The following MPP4 variants were observed in gnomAD, a reference collection of about 807,000 sequenced individuals.
MPP4 encodes the protein MAGUK p55 scaffold protein 4.
MPP4 carries 91 observed loss-of-function variants against 98.3 expected under a neutral mutation model. The ratio of observed to expected loss-of-function variants is 0.93; its 90% CI spans 0.78 to 1.10. MPP4 has a LOEUF of 1.10. Among genes scored for constraint, MPP4 ranks in the 50% least tolerant of loss-of-function variants. The pLI, the probability that MPP4 is intolerant of heterozygous loss-of-function variation, is 0.00. For synonymous variants in MPP4, 261 were observed against 271.8 expected (o/e 0.96, Z 0.39); for missense variants, 744 against 792.9 (o/e 0.94, Z 0.74).
intron 6 of MPP4, among the ~76,000 whole-genome samples, chr2:201,685,690 T>A (rs1469996265): frequency 6.6e-6 from 1 of 152,258 alleles, no homozygotes; most frequent in East Asian, 1.9e-4. Flanking sequence ...AAATCTCATC[T>A]TACTTTTCAC....
chr2:201,668,032 G>A lies in MPP4; in HGVS notation c.1013-1660C>T, dbSNP rs971148054. 5.5e-4 allele frequency among the ~76,000 whole-genome samples: 84 copies of A among 152,206 alleles called. 1 individual carries two copies. The highest frequency in any genetic ancestry group is 3.4e-3 in the Middle Eastern group (1 of 294). On this transcript the variant is annotated intron_variant, in intron 12 of 21. Transcript: ENST00000409474. ...TTGTTATTAGCCATCCATAACAACA[G>A]TGAGTTCATTAGTTCCCAGTACATA... is the stretch of plus-strand genomic sequence containing the variant.
intron 15 of MPP4, among the ~76,000 whole-genome samples, chr2:201,659,693 G>T (rs1205226761): frequency 1.3e-5 from 2 of 152,144 alleles, no homozygotes; most frequent in Non-Finnish European, 2.9e-5. Flanking sequence ...AATTAGCCAG[G>T]TGTGGTGGCT....
intron 18 of MPP4, chr2:201,652,052 T>C (rs10169154): frequency 0.5 from 479,904 of 962,080 alleles, 120,333 homozygotes; most frequent in East Asian, 0.67. Context: ...TTCCTGTACA[T>C]GAAAGCAGTA....
intron 16 of MPP4, 27 bp downstream of exon 16, chr2:201,658,450 C>T (rs191278919): frequency 6.3e-7 from 1 of 1,599,752 alleles, no homozygotes; most frequent in South Asian, 1.1e-5. Flanking sequence ...GTGACAGAGA[C>T]CCACCTCTTG....
chr2:201,691,954 G>A (rs1028803868), intron 3 of MPP4, among the ~76,000 whole-genome samples: 7 of 152,192 alleles, frequency 4.6e-5, no homozygotes, highest in Admixed American at 6.5e-5. Context: ...AAGGACAAAC[G>A]GTTGTAGCCA....
At chr2:201,678,117 G>A (rs1346754302) in intron 10 of MPP4, among the ~76,000 whole-genome samples, 3 of 152,056 alleles carry the variant, frequency 2.0e-5, no homozygotes, top group Admixed American at 6.5e-5. Flanking sequence ...TTTTCACGTG[G>A]CAATGACTAA....
At chr2:201,669,623 AG>A (rs1168421281) in intron 12 of MPP4, 109 bp downstream of exon 12, 13 of 516,440 alleles carry the variant, frequency 2.5e-5, no homozygotes, top group Non-Finnish European at 3.5e-5. Flanking sequence ...CTAGGTATAT[AG>A]GAAGAGCTTA....
chr2:201,696,078 C>T (rs940829244), intron 1 of MPP4, among the ~76,000 whole-genome samples: 1 of 152,148 alleles, frequency 6.6e-6, no homozygotes, highest in African/African-American at 2.4e-5. Flanking sequence ...ACTCTAAATT[C>T]TAAGGCAGTG....
At chr2:201,656,888 C>A (rs968733892) in intron 16 of MPP4, among the ~76,000 whole-genome samples, 1 of 152,118 alleles carries the variant, frequency 6.6e-6, no homozygotes, top group South Asian at 2.1e-4. Context: ...ACGAACTGTG[C>A]TTGGAGCATT....
chr2:201,671,240 G>C (rs1364209524), intron 11 of MPP4, among the ~76,000 whole-genome samples: 1 of 152,140 alleles, frequency 6.6e-6, no homozygotes, highest in Non-Finnish European at 1.5e-5. Context: ...CCTGGAAAAG[G>C]GGCTGAAGCC....
intron 7 of MPP4, among the ~76,000 whole-genome samples, chr2:201,684,716 T>C (rs1451896598): frequency 6.6e-6 from 1 of 152,096 alleles, no homozygotes; most frequent in Non-Finnish European, 1.5e-5. Context: ...TTTGGGAGGC[T>C]GAGGTGGGCG....
intron 1 of MPP4, among the ~76,000 whole-genome samples, chr2:201,694,607 C>CCT (rs1689127359): frequency 2.0e-5 from 2 of 98,352 alleles, no homozygotes; most frequent in South Asian, 7.3e-4. Flanking sequence ...TTTCTTTTTC[C>CCT]CTTTTTTTTT....
chr2:201,673,377 C>T (rs773430761), intron 11 of MPP4, among the ~76,000 whole-genome samples: 4 of 152,080 alleles, frequency 2.6e-5, no homozygotes, highest in African/African-American at 7.2e-5. Context: ...TATGAGAACA[C>T]GTCGACACAG....
At position 201,692,930 on chromosome 2, in the gene MPP4, G is replaced by A. The variant is rs749297609; in HGVS notation, c.179C>T (p.Pro60Leu). The A allele has an allele frequency of 3.7e-6, 6 of 1,609,986 alleles. No homozygotes were observed. Among genetic ancestry groups the A allele is most frequent in the East Asian group, 2.2e-5 (1 of 44,658 alleles). The change falls in exon 3 of 22, where the codon CCG (proline) becomes CTG (leucine). Residue 60 changes from proline to leucine, a missense_variant. Physicochemically the swap from Pro to Leu is moderately conservative, Grantham distance 98. Transcript: ENST00000409474. The stretch of plus-strand genomic sequence containing the variant: ...CACCTTTAGCAGAGCCTGAAGCCAC[G>A]GCGAGTGGAGGAGATCGTACAAGAG... ...VCLLYDLLHS[P>L]WLQALLKIYD... is the part of the protein sequence containing the mutation.
At chr2:201,656,880 G>A (rs915165842) in intron 16 of MPP4, among the ~76,000 whole-genome samples, 3 of 152,194 alleles carry the variant, frequency 2.0e-5, no homozygotes, top group East Asian at 1.9e-4. Context: ...GCAGAGAAAC[G>A]AACTGTGCTT....
At chr2:201,667,898 G>A (rs1406717030) in intron 12 of MPP4, among the ~76,000 whole-genome samples, 2 of 152,054 alleles carry the variant, frequency 1.3e-5, no homozygotes, top group South Asian at 2.1e-4. Context: ...ACAGATAAAC[G>A]AGTGGCATGG....
At chr2:201,675,675 A>G (rs1414660263) in intron 10 of MPP4, among the ~76,000 whole-genome samples, 2 of 152,158 alleles carry the variant, frequency 1.3e-5, no homozygotes, top group Non-Finnish European at 2.9e-5. Context: ...TACAGTTTCT[A>G]TAGATGACTC....
intron 2 of MPP4, among the ~76,000 whole-genome samples, chr2:201,693,624 T>G (rs376918384): frequency 1.1e-4 from 16 of 152,360 alleles, no homozygotes; most frequent in Middle Eastern, 3.4e-3. Context: ...ACTTAAGAAG[T>G]TCTAAGTTTT....
intron 9 of MPP4, 25 bp from the exon 10 acceptor site, chr2:201,681,059 T>A (rs1326521691): frequency 1.3e-6 from 2 of 1,597,598 alleles, no homozygotes; most frequent in Non-Finnish European, 1.7e-6. Context: ...ATAATGACGC[T>A]ATCAGAAGGT....
Sources: allele counts gnomAD v4.1 joint callset (sites outside exome capture counted in the v4.1 genomes callset), GRCh38; gene constraint gnomAD v4.1.1; transcripts MANE v1.5; gene names NCBI Gene and HGNC (gene_info 2026-07-23, HGNC 2026-07-21).